The following SNX4 variants were observed in gnomAD, a reference collection of about 807,000 sequenced individuals.
SNX4 encodes the protein sorting nexin 4.
A neutral mutation model predicts 70.8 loss-of-function variants in SNX4; 49 were observed. That is an observed-to-expected ratio of 0.69 (90% CI 0.55 to 0.88). The LOEUF is 0.88. Among genes scored for constraint, SNX4 ranks in the 40% least tolerant of loss-of-function variants. The pLI, the probability that SNX4 is intolerant of heterozygous loss-of-function variation, is 0.00. For missense variants in SNX4, 528 were observed against 544.8 expected, an observed-to-expected ratio of 0.97 and a Z score of 0.31; for synonymous variants, 206 against 183.8, an observed-to-expected ratio of 1.12 and a Z score of -0.98.
chr3:125,456,552 C>G (rs1167560958), intron 11 of SNX4, among the ~76,000 whole-genome samples: 1 of 152,134 alleles, frequency 6.6e-6, no homozygotes. Flanking sequence ...GAGGCTGAGG[C>G]AGGAAGACCA....
chr3:125,511,592 A>G (rs1460595727), intron 1 of SNX4, among the ~76,000 whole-genome samples: 1 of 152,232 alleles, frequency 6.6e-6, no homozygotes, highest in African/African-American at 2.4e-5. Flanking sequence ...CAGAAAGTGC[A>G]TCACTGCAGA....
intron 1 of SNX4, among the ~76,000 whole-genome samples, chr3:125,505,303 T>C (rs1935023292): frequency 6.6e-6 from 1 of 152,202 alleles, no homozygotes; most frequent in Non-Finnish European, 1.5e-5. Context: ...AGAAAATATC[T>C]TAAAAACACA....
At chr3:125,458,814 C>T (rs1579975165) in intron 10 of SNX4, among the ~76,000 whole-genome samples, 1 of 64,496 alleles carries the variant, frequency 1.6e-5, no homozygotes, top group Non-Finnish European at 2.6e-5. Context: ...GACTCCGTCT[C>T]AAAAAAAAAA....
At chr3:125,479,007 A>G (rs999614122) in intron 7 of SNX4, among the ~76,000 whole-genome samples, 11 of 152,344 alleles carry the variant, frequency 7.2e-5, no homozygotes, top group African/African-American at 2.4e-4. Flanking sequence ...ACTCTTGAAC[A>G]GTTAAACGGG....
At chr3:125,457,503 A>C in intron 10 of SNX4, 138 bp from the exon 11 acceptor site, 1 of 578,676 alleles carries the variant, frequency 1.7e-6, no homozygotes, top group East Asian at 3.7e-5. Flanking sequence ...TTTAAAATGT[A>C]GTAGCCCAAC....
chr3:125,486,405 T>C (rs1399041280), intron 6 of SNX4, among the ~76,000 whole-genome samples: 1 of 152,162 alleles, frequency 6.6e-6, no homozygotes, highest in Non-Finnish European at 1.5e-5. Context: ...CCACATTAGA[T>C]GAAACTTCTA....
Position 125,506,507 on chromosome 3 carries a change from A to AT in SNX4, c.142-1764dup, listed in dbSNP as rs554917775. 2.7e-3 allele frequency among the ~76,000 whole-genome samples: 366 copies of AT among 134,682 alleles called. 6 individuals are homozygous for AT. The highest frequency in any genetic ancestry group is 5.9e-3 in the South Asian group (25 of 4,210). 88.4% of individuals were successfully genotyped at this position (134,682 alleles called of 152,430 possible). A position where few individuals can be genotyped will look rare whatever the true frequency, so the allele number is the denominator to read the frequency against. ...AGGCTTGTGCCACCATACCAGGCTA[A>AT]TTTTTTTTTTTTTTTTTCTGAGACA... On this transcript the variant is annotated intron_variant, in intron 1 of 13. Coordinates refer to ENST00000251775, the MANE Select transcript of SNX4 (RefSeq NM_003794.4).
intron 13 of SNX4, among the ~76,000 whole-genome samples, chr3:125,450,715 T>G (rs557762022): frequency 6.6e-6 from 1 of 152,372 alleles, no homozygotes; most frequent in East Asian, 1.9e-4. Flanking sequence ...CTTCAATGTT[T>G]GTATCTTTCA....
intron 9 of SNX4, among the ~76,000 whole-genome samples, chr3:125,466,081 G>A (rs544987504): frequency 1.3e-5 from 2 of 151,336 alleles, no homozygotes; most frequent in African/African-American, 4.9e-5. Flanking sequence ...TCACTGTAGA[G>A]GTCTTTCATA....
chr3:125,502,174 A>G (rs530719228), intron 2 of SNX4, among the ~76,000 whole-genome samples: 76 of 152,328 alleles, frequency 5.0e-4, no homozygotes, highest in African/African-American at 1.8e-3. Flanking sequence ...AATTTAACTT[A>G]AAAAACAAAA....
intron 8 of SNX4, 41 bp from the exon 9 acceptor site, chr3:125,469,560 A>C: frequency 7.5e-7 from 1 of 1,331,342 alleles, no homozygotes; most frequent in Non-Finnish European, 1.1e-6. Context: ...CATGCATTAG[A>C]GATATGGAAT....
intron 9 of SNX4, among the ~76,000 whole-genome samples, chr3:125,463,130 CAAAAT>C (rs1933925876): frequency 6.6e-6 from 1 of 152,014 alleles, no homozygotes; most frequent in East Asian, 1.9e-4. Context: ...AGTTGTAAGA[CAAAAT>C]AAACAAAACT....
At chr3:125,486,088 C>T (rs940435330) in intron 6 of SNX4, among the ~76,000 whole-genome samples, 4 of 152,184 alleles carry the variant, frequency 2.6e-5, no homozygotes, top group African/African-American at 9.6e-5. Flanking sequence ...ATCCACCCAC[C>T]TCGGCCTCCC....
At chr3:125,467,885 A>T (rs760023136) in intron 9 of SNX4, among the ~76,000 whole-genome samples, 18 of 152,252 alleles carry the variant, frequency 1.2e-4, no homozygotes, top group Non-Finnish European at 2.6e-4. Context: ...GTCTCCCAGT[A>T]CTGGGTCTAT....
At chr3:125,514,534 G>A (rs1162725043) in intron 1 of SNX4, among the ~76,000 whole-genome samples, 1 of 152,020 alleles carries the variant, frequency 6.6e-6, no homozygotes, top group East Asian at 1.9e-4. Context: ...TAGGATTACA[G>A]GCATGTGCCA....
chr3:125,453,541 G>A (rs1933631471), intron 12 of SNX4, among the ~76,000 whole-genome samples: 1 of 150,056 alleles, frequency 6.7e-6, no homozygotes. Context: ...TAGAGACAGG[G>A]TCTTCCTACG....
intron 13 of SNX4, among the ~76,000 whole-genome samples, chr3:125,451,063 C>T (rs537044999): frequency 1.4e-4 from 21 of 151,946 alleles, no homozygotes; most frequent in Admixed American, 7.9e-4. Flanking sequence ...GCCAGGAGTT[C>T]GAGACCAGCC....
chr3:125,505,032 C>T (rs1280054242), intron 1 of SNX4, among the ~76,000 whole-genome samples: 1 of 152,086 alleles, frequency 6.6e-6, no homozygotes, highest in Non-Finnish European at 1.5e-5. Flanking sequence ...TGCACTGGCG[C>T]GATCTCAGCT....
At chr3:125,477,892 A>G (rs1934320865) in intron 7 of SNX4, among the ~76,000 whole-genome samples, 1 of 152,036 alleles carries the variant, frequency 6.6e-6, no homozygotes. Context: ...CAAAGCTGAA[A>G]ACACCTCCCA....
Sources: gnomAD v4.1 joint callset for allele counts (sites outside exome capture counted in the v4.1 genomes callset) on GRCh38, gnomAD v4.1.1 for gene constraint, MANE v1.5 for transcripts, NCBI Gene and HGNC (gene_info 2026-07-23, HGNC 2026-07-21) for gene names.